The following FAM184A variants were observed in gnomAD, a reference collection of about 807,000 sequenced individuals.
FAM184A encodes the protein protein FAM184A.
Under a neutral mutation model 143.8 loss-of-function variants are expected in FAM184A, and 99 were observed. The observed-to-expected ratio is 0.69, with a 90% CI of 0.58 to 0.81. FAM184A has a LOEUF of 0.81. FAM184A is among the 40% of genes least tolerant of loss of function. The probability of loss-of-function intolerance (pLI) is 0.00; values close to 1 mark genes in which losing one functional copy is unlikely to be tolerated. For synonymous variants in FAM184A, 427 were observed against 446.4 expected (o/e 0.96, Z 0.55); for missense variants, 1,217 against 1,310.5 (o/e 0.93, Z 1.10).
At chr6:119,143,700 G>A (rs1201752246) in intron 1 of FAM184A, among the ~76,000 whole-genome samples, 3 of 152,194 alleles carry the variant, frequency 2.0e-5, no homozygotes, top group African/African-American at 4.8e-5. Context: ...AGTGAAATAA[G>A]CCAGTCACAA....
chr6:118,998,697 T>A (rs1784649345), intron 9 of FAM184A, among the ~76,000 whole-genome samples: 1 of 152,090 alleles, frequency 6.6e-6, no homozygotes, highest in Non-Finnish European at 1.5e-5. Context: ...AGGTGCAAAG[T>A]CCCCAAGATG....
At chr6:119,063,855 C>G (rs945123257) in intron 1 of FAM184A, among the ~76,000 whole-genome samples, 19 of 152,272 alleles carry the variant, frequency 1.2e-4, no homozygotes, top group African/African-American at 4.6e-4. Flanking sequence ...GGTCACTGCC[C>G]TCATCAGTGT....
intron 1 of FAM184A, among the ~76,000 whole-genome samples, chr6:119,077,096 C>G (rs928519163): frequency 1.3e-5 from 2 of 152,006 alleles, no homozygotes; most frequent in Non-Finnish European, 2.9e-5. Context: ...TCTTTTCAAC[C>G]TTTTTTCACT....
chr6:119,023,576 G>C (rs547624400), intron 2 of FAM184A, among the ~76,000 whole-genome samples: 2 of 109,132 alleles, frequency 1.8e-5, no homozygotes, highest in African/African-American at 3.6e-5. Flanking sequence ...CAGGAACAGC[G>C]TATTACCTCG....
intron 1 of FAM184A, among the ~76,000 whole-genome samples, chr6:119,114,052 T>C (rs997561951): frequency 1.3e-5 from 2 of 152,230 alleles, no homozygotes; most frequent in African/African-American, 4.8e-5. Context: ...TTAAACTTTA[T>C]CATAGGTATG....
intron 1 of FAM184A, among the ~76,000 whole-genome samples, chr6:119,090,110 GCAGGGA>G (rs1788329961): frequency 6.6e-6 from 1 of 152,134 alleles, no homozygotes; most frequent in South Asian, 2.1e-4. Flanking sequence ...TCCTTTGCAA[GCAGGGA>G]CTGAATAAGT....
intron 1 of FAM184A, among the ~76,000 whole-genome samples, chr6:119,091,412 G>C (rs1293287767): frequency 6.6e-6 from 1 of 152,150 alleles, no homozygotes; most frequent in Non-Finnish European, 1.5e-5. Flanking sequence ...TAATCATGCA[G>C]AGTATTGTCT....
chr6:119,146,984 G>T (rs1345129470), intron 1 of FAM184A, among the ~76,000 whole-genome samples: 1 of 151,308 alleles, frequency 6.6e-6, no homozygotes, highest in Non-Finnish European at 1.5e-5. Flanking sequence ...AACAAATGTA[G>T]TTTATTATCA....
Position 119,137,260 on chromosome 6 carries a change from CTGTG to C in FAM184A, c.-202+11814_-202+11817del, listed in dbSNP as rs35354644. Among the ~76,000 whole-genome samples, 113 of 151,662 alleles carry C rather than the reference CTGTG, an allele frequency of 7.5e-4. 2 individuals are homozygous for C. Among genetic ancestry groups the C allele is most frequent in the African/African-American group, 2.6e-3 (109 of 41,354 alleles). The stretch of plus-strand genomic sequence containing the variant: ...ACTGTGACCTCACATGGTCTTTCTT[CTGTG>C]TGTGTGTGTATGTGTGTGTATGCTT... On this transcript the variant is annotated intron_variant, in intron 1 of 16. Transcript: ENST00000352896.
chr6:119,092,920 G>A (rs1174590148), intron 1 of FAM184A, among the ~76,000 whole-genome samples: 1 of 151,992 alleles, frequency 6.6e-6, no homozygotes, highest in Admixed American at 6.5e-5. Flanking sequence ...CTCACTCCTG[G>A]GAACATGAAG....
chr6:118,973,145 C>A (rs537182437), intron 14 of FAM184A, among the ~76,000 whole-genome samples: 1 of 152,118 alleles, frequency 6.6e-6, no homozygotes, highest in African/African-American at 2.4e-5. Flanking sequence ...TCTGAATATG[C>A]CCATCAGAAA....
intron 9 of FAM184A, among the ~76,000 whole-genome samples, chr6:118,988,017 T>C (rs758506947): frequency 2.6e-5 from 4 of 152,198 alleles, no homozygotes; most frequent in Non-Finnish European, 4.4e-5. Flanking sequence ...AGTGATGTTG[T>C]TTATGCAAAA....
chr6:119,006,417 G>C (rs762792663), intron 7 of FAM184A, 30 bp downstream of exon 7: 2 of 1,601,190 alleles, frequency 1.2e-6, no homozygotes, highest in Non-Finnish European at 1.7e-6. Context: ...TTTTGCCGCT[G>C]TTTAGATTGC....
intron 1 of FAM184A, among the ~76,000 whole-genome samples, chr6:119,147,688 A>C: frequency 6.6e-6 from 1 of 152,234 alleles, no homozygotes; most frequent in East Asian, 1.9e-4. Context: ...AAGCTGAACA[A>C]TAACTTCTGT....
chr6:119,002,246 A>G (rs1245362998), intron 9 of FAM184A, among the ~76,000 whole-genome samples: 1 of 152,170 alleles, frequency 6.6e-6, no homozygotes, highest in Non-Finnish European at 1.5e-5. Flanking sequence ...TCAACTGGTG[A>G]TTCATGCAGT....
chr6:119,128,097 C>G (rs1789422750), intron 1 of FAM184A, among the ~76,000 whole-genome samples: 1 of 152,012 alleles, frequency 6.6e-6, no homozygotes, highest in Admixed American at 6.5e-5. Flanking sequence ...GCACAACTGA[C>G]TACCATTAAC....
intron 1 of FAM184A, among the ~76,000 whole-genome samples, chr6:119,111,876 T>G (rs1484148695): frequency 6.6e-6 from 1 of 152,142 alleles, no homozygotes; most frequent in Non-Finnish European, 1.5e-5. Context: ...AAAGAAACAG[T>G]TTTCATTAAA....
intron 1 of FAM184A, among the ~76,000 whole-genome samples, chr6:119,072,904 GTCTT>G (rs1483122629): frequency 6.9e-6 from 1 of 145,344 alleles, no homozygotes; most frequent in African/African-American, 2.9e-5. Flanking sequence ...AAAAAGTACT[GTCTT>G]TCTCTGCTGT....
At chr6:119,129,057 A>T (rs2114872816) in intron 1 of FAM184A, among the ~76,000 whole-genome samples, 1 of 152,254 alleles carries the variant, frequency 6.6e-6, no homozygotes, top group Non-Finnish European at 1.5e-5. Context: ...GGCAAAACTC[A>T]ACTCTTTCAA....
Sources: allele counts gnomAD v4.1 joint callset (sites outside exome capture counted in the v4.1 genomes callset), GRCh38; gene constraint gnomAD v4.1.1; transcripts MANE v1.5; gene names NCBI Gene and HGNC (gene_info 2026-07-23, HGNC 2026-07-21).